Variants in APOL5 observed in about 807,000 individuals in gnomAD.
APOL5 encodes apolipoprotein L, 5.
Under a neutral mutation model 35.5 loss-of-function variants are expected in APOL5, and 29 were observed. The observed-to-expected ratio is 0.82, with a 90% confidence interval of 0.61 to 1.11. The LOEUF (loss-of-function observed/expected upper bound fraction) is 1.11. APOL5 is among the 50% of genes most tolerant of loss of function. The probability of loss-of-function intolerance (pLI) is 0.00; values close to 1 mark genes in which losing one functional copy is unlikely to be tolerated. For missense variants in APOL5, 514 were observed against 530.4 expected, an observed-to-expected ratio of 0.97 and a Z score of 0.30; for synonymous variants, 188 against 200.2, an observed-to-expected ratio of 0.94 and a Z score of 0.51.
upstream of APOL5, among the ~76,000 whole-genome samples, chr22:35,714,077 C>G (rs1024208185): frequency 6.6e-6 from 1 of 152,058 alleles, no homozygotes; most frequent in Non-Finnish European, 1.5e-5. Flanking sequence ...TTTGGGAGGT[C>G]AAGGCAGGTG....
intron 2 of APOL5, among the ~76,000 whole-genome samples, chr22:35,723,946 G>A (rs529739026): frequency 2.8e-4 from 43 of 152,110 alleles, no homozygotes; most frequent in Non-Finnish European, 6.3e-4. Context: ...AATAGAGTGA[G>A]ACTCCATCTC....
intron 2 of APOL5, among the ~76,000 whole-genome samples, chr22:35,720,968 A>G (rs1438550335): frequency 6.6e-6 from 1 of 150,954 alleles, no homozygotes; most frequent in Non-Finnish European, 1.5e-5. Flanking sequence ...CTGGTCTTGA[A>G]CTCCTGATCT....
At chr22:35,722,400 TC>T (rs767623916) in intron 2 of APOL5, among the ~76,000 whole-genome samples, 22 of 152,168 alleles carry the variant, frequency 1.4e-4, no homozygotes, top group Non-Finnish European at 2.1e-4. Context: ...CCTCCCAGGT[TC>T]ACGTGATTCT....
rs1300274992 is a variant in APOL5 at position 35,728,782 on chromosome 22, G to A, written c.1186G>A (p.Val396Met). ...GCACCAGCCTAGGCTGGGCCCTGGC[G>A]TGGCACTGAGGACACCAAAGAGGAC... ...VEHQPRLGPGVALRTPKRTVS... is the reference protein window; with the variant it reads ...VEHQPRLGPGMALRTPKRTVS... The change falls in exon 4 of 5, where the codon GTG becomes ATG. Residue 396 changes from valine (V) to methionine (M), a missense_variant. Val to Met is a conservative substitution (Grantham distance 21, BLOSUM62 1). This residue lies in a region of APOL5 where 238 missense variants were observed against 229.1 expected (regional missense o/e 1.04). Coordinates refer to ENST00000249044, the MANE Select transcript of APOL5 (RefSeq NM_030642.1). 1.5e-5 allele frequency: 24 copies of A among 1,613,460 alleles called. No individual in the cohort carries two copies. Among genetic ancestry groups the A allele is most frequent in the Non-Finnish European group, 1.9e-5 (22 of 1,179,792 alleles).
rs938893103 is a variant in APOL5, at chr22:35,721,759, C to T, written c.142+1105C>T. On this transcript the variant is annotated intron_variant, in intron 2 of 4. Transcript: ENST00000249044. ...TCCAAGCTCCTGGGACTTCCCTTTC[C>T]GTTGCCTTGGCCTGGGCATTCAGAC... is the stretch of plus-strand genomic sequence containing the variant. Among the ~76,000 whole-genome samples, 47 of 152,110 alleles carry T rather than the reference C, an allele frequency of 3.1e-4. 1 individual carries two copies. The highest frequency in any genetic ancestry group is 9.2e-4 in the African/African-American group (38 of 41,408).
In APOL5 at chr22:35,726,404, G is replaced by A. The variant is rs772404275; in HGVS notation, c.336G>A (p.Glu112=). The A allele has an allele frequency of 3.7e-6, 6 of 1,614,122 alleles. No homozygotes were observed. In the South Asian group the frequency reaches 4.4e-5, roughly 12 times the overall value. ...FLSYFPLHKF[E]LEQNIKELNT... ...CATATTTTCCTTTGCACAAGTTTGAGCTAGAACAGAACATCAAAGAACTTA... is the reference window on the plus strand; with the variant it reads ...CATATTTTCCTTTGCACAAGTTTGAACTAGAACAGAACATCAAAGAACTTA... The change falls in exon 3 of 5, where the codon GAG becomes GAA. Residue 112 remains glutamate, a synonymous_variant. Transcript: ENST00000249044.
chr22:35,728,550 G>A (rs760410604), intron 3 of APOL5, among the ~76,000 whole-genome samples, 173 bp from the exon 4 acceptor site: 1 of 152,190 alleles, frequency 6.6e-6, no homozygotes, highest in Non-Finnish European at 1.5e-5. Flanking sequence ...AAGATCTCCA[G>A]GTAATTCTGC....
chr22:35,726,113 T>G, intron 2 of APOL5, 98 bp from the exon 3 acceptor site: 1 of 1,406,604 alleles, frequency 7.1e-7, no homozygotes, highest in South Asian at 1.4e-5. Context: ...TCCCCACTGT[T>G]AGAATTTTTG....
At chr22:35,714,655 C>T (rs1215717086), upstream of APOL5, among the ~76,000 whole-genome samples, 1 of 152,246 alleles carries the variant, frequency 6.6e-6, no homozygotes, top group African/African-American at 2.4e-5. Context: ...TAAAACCAGA[C>T]TCCAAGTTCA....
upstream of APOL5, among the ~76,000 whole-genome samples, chr22:35,713,589 CCT>C (rs1383295643): frequency 6.6e-6 from 1 of 152,226 alleles, no homozygotes; most frequent in African/African-American, 2.4e-5. Context: ...CCACTCATCG[CCT>C]CTCTGAATGA....
chr22:35,723,264 G>A (rs1391420182), intron 2 of APOL5, among the ~76,000 whole-genome samples: 7 of 152,160 alleles, frequency 4.6e-5, no homozygotes, highest in Admixed American at 4.6e-4. Context: ...CAAGTCTCTT[G>A]TAGATGCTCA....
the APOL5 span, among the ~76,000 whole-genome samples, chr22:35,709,823 C>T: frequency 6.6e-6 from 1 of 151,810 alleles, no homozygotes; most frequent in South Asian, 2.1e-4. Flanking sequence ...ATCCAATGAG[C>T]ATTGATTTTT....
At chr22:35,724,813 G>C (rs1019595612) in intron 2 of APOL5, among the ~76,000 whole-genome samples, 9 of 152,096 alleles carry the variant, frequency 5.9e-5, no homozygotes, top group Non-Finnish European at 1.2e-4. Flanking sequence ...ATTTCACCAA[G>C]TTGGTCAGGC....
the APOL5 span, among the ~76,000 whole-genome samples, chr22:35,712,615 T>A: frequency 6.6e-6 from 1 of 152,236 alleles, no homozygotes; most frequent in African/African-American, 2.4e-5. Context: ...TCTATTCACA[T>A]CCTTTGTCCA....
At chr22:35,711,544 C>G in the APOL5 span, among the ~76,000 whole-genome samples, 1 of 150,552 alleles carries the variant, frequency 6.6e-6, no homozygotes, top group Non-Finnish European at 1.5e-5. Flanking sequence ...TTTTCCACTC[C>G]CACCGGCAAT....
intron 1 of APOL5, among the ~76,000 whole-genome samples, chr22:35,719,060 T>A (rs200630092): frequency 0.037 from 681 of 18,402 alleles, 19 homozygotes; most frequent in South Asian, 0.29. Flanking sequence ...GTCTCAAAAA[T>A]AATAATAATA....
chr22:35,714,243 C>T (rs1012741029), upstream of APOL5, among the ~76,000 whole-genome samples: 28 of 152,064 alleles, frequency 1.8e-4, no homozygotes, highest in Non-Finnish European at 2.9e-4. Context: ...ACCTGGGCGG[C>T]GGAGGTTGCA....
upstream of APOL5, among the ~76,000 whole-genome samples, chr22:35,714,054 G>A (rs1460609063): frequency 1.3e-5 from 2 of 152,188 alleles, no homozygotes; most frequent in South Asian, 4.1e-4. Context: ...GCTCAAGCCT[G>A]TAATCCCAGC....
At chr22:35,710,114 T>TC in the APOL5 span, among the ~76,000 whole-genome samples, 1 of 83,136 alleles carries the variant, frequency 1.2e-5, no homozygotes, top group African/African-American at 1.1e-4. Flanking sequence ...TTTCTTTCTC[T>TC]TTTTTTTTTT....
Sources: allele counts gnomAD v4.1 joint callset (sites outside exome capture counted in the v4.1 genomes callset), GRCh38; gene constraint gnomAD v4.1.1; regional missense constraint gnomAD v4.1.1; transcripts MANE v1.5; gene names NCBI Gene and HGNC (gene_info 2026-07-23, HGNC 2026-07-21).